UNC13B: variants seen among roughly 807,000 people sequenced by gnomAD.
UNC13B encodes protein unc-13 homolog B.
In UNC13B, 144 loss-of-function variants were observed where a neutral mutation model predicts 211.0. The observed-to-expected ratio is 0.68, with a 90% CI of 0.60 to 0.78. The LOEUF (loss-of-function observed/expected upper bound fraction) is 0.78. Among genes scored for constraint, UNC13B ranks in the 30% least tolerant of loss-of-function variants. The probability of loss-of-function intolerance (pLI) is 0.00; values close to 1 mark genes in which losing one functional copy is unlikely to be tolerated. For missense variants in UNC13B, 1,777 were observed against 2,002.0 expected, an observed-to-expected ratio of 0.89 and a Z score of 2.14; for synonymous variants, 709 against 725.8, an observed-to-expected ratio of 0.98 and a Z score of 0.37.
At position 35,398,606 on chromosome 9, in the gene UNC13B, C is replaced by T. The variant is rs139605689; in HGVS notation, c.11885C>T (p.Thr3962Met). 10 of 1,613,872 alleles carry T rather than the reference C, an allele frequency of 6.2e-6. No homozygotes were observed. The highest frequency in any genetic ancestry group is 1.7e-4 in the Middle Eastern group (1 of 6,018). Reference protein sequence around the residue: ...SLKELQVKLNTVLDELSMVFG... With the variant: ...SLKELQVKLNMVLDELSMVFG... ...AAGGAGCTGCAGGTGAAACTGAATA[C>T]GGTTCTGGATGAGCTCAGCATGGTG... The change falls in exon 32 of 40, where the codon ACG becomes ATG. Residue 3962 changes from threonine to methionine, a missense_variant. Physicochemically the swap from Thr to Met is moderately conservative, Grantham distance 81. Coordinates refer to ENST00000635942, the MANE Select transcript of UNC13B (RefSeq NM_001371189.2).
intron 11 of UNC13B, among the ~76,000 whole-genome samples, chr9:35,348,703 T>C (rs1832525776): frequency 2.0e-5 from 3 of 152,182 alleles, no homozygotes; most frequent in Admixed American, 2.0e-4. Context: ...AGTACAGTTC[T>C]CTCATTTTAG....
intron 11 of UNC13B, chr9:35,353,374 T>C (rs1832839750): frequency 8.1e-7 from 1 of 1,231,858 alleles, no homozygotes; most frequent in Non-Finnish European, 1.0e-6. Flanking sequence ...TGGAAAGCAA[T>C]GAGAGTGGTT....
rs34586347 is a variant in UNC13B, at chr9:35,328,598, CCCTTCCTTCCTTCCTTCCTT to C, written c.9414+14657_9414+14676del. ...GCCTGGCTTCTGGTTCTGAATTGTCCCCTTCCTTCCTTCCTTCCTTCCTTCCTTCCTTCCTTCCTTCCTTC... is the reference window on the plus strand; with the variant it reads ...GCCTGGCTTCTGGTTCTGAATTGTCCCCTTCCTTCCTTCCTTCCTTCCTTC... On this transcript the variant is annotated intron_variant, in intron 11 of 39. Transcript: ENST00000635942. Among the ~76,000 whole-genome samples, 51 of 98,712 alleles carry C rather than the reference CCCTTCCTTCCTTCCTTCCTT, an allele frequency of 5.2e-4. 2 individuals carry two copies. Among genetic ancestry groups the C allele is most frequent in the Middle Eastern group, 5.2e-3 (1 of 192 alleles). The allele number at this position is 98,712 out of a possible 152,430, so 64.8% of individuals were successfully genotyped here. A position where few individuals can be genotyped will look rare whatever the true frequency, so the allele number is the denominator to read the frequency against.
At chr9:35,263,363 C>T (rs1022539944) in intron 7 of UNC13B, among the ~76,000 whole-genome samples, 8 of 150,868 alleles carry the variant, frequency 5.3e-5, no homozygotes, top group Non-Finnish European at 1.2e-4. Context: ...AAAAGTATTA[C>T]AGTTATCCCT....
In UNC13B at chr9:35,228,051, C is replaced by T. The variant is rs1400017265; in HGVS notation, c.52+7C>T. 2 of 1,610,254 alleles carry T rather than the reference C, an allele frequency of 1.2e-6. No homozygotes were observed. Among genetic ancestry groups the T allele is most frequent in the Non-Finnish European group, 1.7e-6 (2 of 1,178,400 alleles). ...AAATTCCAGGGTTCACCAGGTAAGG[C>T]CAGCTTTCTATTATGTCTTTTCCTC... On this transcript the variant is annotated splice_region_variant and intron_variant, in intron 2 of 39. Transcript: ENST00000635942.
At chr9:35,297,297 C>A (rs1482530038) in intron 8 of UNC13B, among the ~76,000 whole-genome samples, 1 of 151,742 alleles carries the variant, frequency 6.6e-6, no homozygotes, top group Non-Finnish European at 1.5e-5. Flanking sequence ...TCATGTTGGT[C>A]AAGCTGGTCT....
intron 1 of UNC13B, among the ~76,000 whole-genome samples, chr9:35,186,856 C>A (rs554129973): frequency 6.6e-6 from 1 of 151,870 alleles, no homozygotes; most frequent in African/African-American, 2.4e-5. Context: ...AGGAACACCG[C>A]GCCCGGCCAC....
intron 36 of UNC13B, 124 bp downstream of exon 36, chr9:35,399,853 G>A: frequency 2.2e-6 from 2 of 924,030 alleles, no homozygotes. Context: ...GAGTTACTAT[G>A]TACTGCCAAG....
At chr9:35,328,428 T>G (rs1415380306) in intron 11 of UNC13B, among the ~76,000 whole-genome samples, 1 of 152,190 alleles carries the variant, frequency 6.6e-6, no homozygotes, top group Non-Finnish European at 1.5e-5. Context: ...CTCCTGCTTC[T>G]GTTCTCCATA....
chr9:35,342,656 A>G (rs1832077212), intron 11 of UNC13B, among the ~76,000 whole-genome samples: 2 of 143,436 alleles, frequency 1.4e-5, no homozygotes, highest in African/African-American at 6.0e-5. Context: ...CTCCTTTTTC[A>G]TGTGTCCATA....
At chr9:35,233,694 A>G (rs952852647) in intron 3 of UNC13B, among the ~76,000 whole-genome samples, 2 of 151,968 alleles carry the variant, frequency 1.3e-5, no homozygotes, top group African/African-American at 2.4e-5. Context: ...TGTTTTTAAT[A>G]TTTTCATATC....
Position 35,403,235 on chromosome 9 carries a change from G to C in UNC13B, c.12553G>C (p.Gly4185Arg), listed in dbSNP as rs1210591296. The C allele has an allele frequency of 1.2e-6, 2 of 1,614,146 alleles. No homozygotes were observed. The highest frequency in any genetic ancestry group is 1.1e-5 in the South Asian group (1 of 91,064). The change falls in exon 38 of 40, where the codon GGG becomes CGG. Residue 4185 changes from glycine (G) to arginine (R), a missense_variant. Transcript: ENST00000635942. ...GGACTTGTTTACACACCCTGGTACTGGGGAGCACAAGGTCACAGTGAAAGG... is the reference window on the plus strand; with the variant it reads ...GGACTTGTTTACACACCCTGGTACTCGGGAGCACAAGGTCACAGTGAAAGG... ...QVDLFTHPGT[G>R]EHKVTVKVVA...
intron 7 of UNC13B, among the ~76,000 whole-genome samples, chr9:35,292,379 A>G (rs143365491): frequency 6.6e-6 from 1 of 152,302 alleles, no homozygotes; most frequent in African/African-American, 2.4e-5. Flanking sequence ...TTACCTATCA[A>G]ATGAACTACA....
At chr9:35,240,031 A>G (rs916111774) in intron 5 of UNC13B, among the ~76,000 whole-genome samples, 1 of 152,238 alleles carries the variant, frequency 6.6e-6, no homozygotes, top group African/African-American at 2.4e-5. Context: ...AAGTAAAGAC[A>G]GGCATAGGAA....
chr9:35,313,846 T>A, intron 10 of UNC13B, 53 bp from the exon 11 acceptor site: 1 of 1,432,226 alleles, frequency 7.0e-7, no homozygotes, highest in South Asian at 1.1e-5. Flanking sequence ...TTGAGCAGTG[T>A]CACCTTGTGG....
At position 35,359,960 on chromosome 9, in the gene UNC13B, T is replaced by G. The variant is rs544118415; in HGVS notation, c.9415-6987T>G. Reference sequence around the variant, plus strand: ...GTCTCACTCAGAATGGACACCAGCATTCTTATAAAGGCCTGTAGAGCCCTA... The same window carrying G: ...GTCTCACTCAGAATGGACACCAGCAGTCTTATAAAGGCCTGTAGAGCCCTA... On this transcript the variant is annotated intron_variant, in intron 11 of 39. Transcript: ENST00000635942. Among the ~76,000 whole-genome samples the G allele has an allele frequency of 1.7e-4, 26 of 152,330 alleles. No individual in the cohort carries two copies. The South Asian group carries it at 5.2e-3, about 30-fold the overall frequency.
At chr9:35,390,504 C>T (rs1156506290) in intron 25 of UNC13B, 125 bp from the exon 26 acceptor site, 8 of 1,075,900 alleles carry the variant, frequency 7.4e-6, no homozygotes, top group Non-Finnish European at 1.1e-5. Context: ...TTGGACCTAG[C>T]CCTGTTCCCT....
chr9:35,394,426 A>G (rs540031480), intron 26 of UNC13B, among the ~76,000 whole-genome samples: 3 of 152,012 alleles, frequency 2.0e-5, no homozygotes, highest in East Asian at 1.9e-4. Context: ...TGAAACCCCA[A>G]CTCTACTAAA....
At chr9:35,377,974 G>T (rs886304314) in intron 16 of UNC13B, among the ~76,000 whole-genome samples, 17 of 152,052 alleles carry the variant, frequency 1.1e-4, no homozygotes, top group African/African-American at 4.1e-4. Context: ...AAGAGGTGGG[G>T]GGAGGGGGAA....
Sources: allele counts gnomAD v4.1 joint callset (sites outside exome capture counted in the v4.1 genomes callset), GRCh38; gene constraint gnomAD v4.1.1; transcripts MANE v1.5; gene names NCBI Gene and HGNC (gene_info 2026-07-23, HGNC 2026-07-21).